The following CHRNA3 variants were observed in gnomAD, a reference collection of about 807,000 sequenced individuals.
CHRNA3 encodes the protein cholinergic receptor nicotinic alpha 3 subunit, also known as neuronal acetylcholine receptor subunit alpha-3.
CHRNA3 carries 34 observed loss-of-function variants against 41.9 expected under a neutral mutation model. That is an observed-to-expected ratio of 0.81 (90% CI 0.62 to 1.08). CHRNA3 has a LOEUF of 1.08. Ranked by LOEUF, CHRNA3 falls within the 50% of genes least tolerant of loss-of-function variation. The probability of loss-of-function intolerance (pLI) is 0.00; values close to 1 mark genes in which losing one functional copy is unlikely to be tolerated. For missense variants in CHRNA3, 542 were observed against 638.3 expected (o/e 0.85, Z 1.63); for synonymous variants, 281 against 265.2 (o/e 1.06, Z -0.58).
Position 78,601,644 on chromosome 15 carries a change from G to A in CHRNA3, c.998C>T (p.Pro333Leu), listed in dbSNP as rs2053200773. Residue 333 changes from proline to leucine, a missense_variant, in exon 5 of 6, where the codon CCG (proline) becomes CTG (leucine). By Grantham distance (98) the Pro-to-Leu change is moderately conservative. Coordinates refer to ENST00000326828, the MANE Select transcript of CHRNA3 (RefSeq NM_000743.5). The stretch of plus-strand genomic sequence containing the variant: ...CCATGAGGGCATTGTGTGTGTCGTC[G>A]GGGTTCTGTAGTGCACGTTGAGCAC... ...VFVLNVHYRT[P>L]TTHTMPSWVK... 5.6e-6 allele frequency: 9 copies of A among 1,614,072 alleles called. No homozygotes were observed. The highest frequency in any genetic ancestry group is 1.1e-5 in the South Asian group (1 of 91,080).
chr15:78,596,767 G>C (rs1468619867), intron 5 of CHRNA3, 35 bp from the exon 6 acceptor site: 1 of 1,583,168 alleles, frequency 6.3e-7, no homozygotes, highest in African/African-American at 1.4e-5. Context: ...AAAAAACATG[G>C]AGGGAAAGGC....
chr15:78,602,629 C>T (rs62010328), intron 4 of CHRNA3, among the ~76,000 whole-genome samples: 40,678 of 152,056 alleles, frequency 0.27, 6,369 homozygotes, highest in Non-Finnish European at 0.36. Context: ...CTGAAGCAGC[C>T]TTTGGGATTA....
downstream of CHRNA3, chr15:78,593,216 T>C (rs1231126574): frequency 5.0e-6 from 8 of 1,612,816 alleles, no homozygotes; most frequent in South Asian, 1.1e-5. Context: ...TGGGCAAATA[T>C]ATTAATACCA....
At chr15:78,604,916 G>T (rs1294647479) in intron 4 of CHRNA3, among the ~76,000 whole-genome samples, 1 of 152,162 alleles carries the variant, frequency 6.6e-6, no homozygotes, top group Non-Finnish European at 1.5e-5. Context: ...GGGAGGCTGA[G>T]GCAGGAGAAT....
Position 78,595,444 on chromosome 15 carries a change from G to A in CHRNA3, c.*1160C>T. The A allele has an allele frequency of 1.9e-5, 19 of 984,370 alleles. No homozygotes were observed. Among genetic ancestry groups the A allele is most frequent in the Non-Finnish European group, 2.3e-5 (19 of 829,024 alleles). 61.0% of individuals were successfully genotyped at this position (984,370 alleles called of 1,614,324 possible). ...TAGTACATGATACTCTTAACAATTTGTCTAAAGCAATGTTTCTCAACCAGG... is the reference window on the plus strand; with the variant it reads ...TAGTACATGATACTCTTAACAATTTATCTAAAGCAATGTTTCTCAACCAGG... On this transcript the variant is annotated 3_prime_UTR_variant, in exon 6 of 6. Transcript: ENST00000326828.
intron 4 of CHRNA3, among the ~76,000 whole-genome samples, chr15:78,608,896 T>A (rs1468360406): frequency 1.3e-5 from 2 of 152,146 alleles, no homozygotes; most frequent in African/African-American, 4.8e-5. Flanking sequence ...AAGGAGCTGA[T>A]GGAGCTGAAA....
At chr15:78,619,140 G>T (rs1169768876) in intron 1 of CHRNA3, 2 of 584,688 alleles carry the variant, frequency 3.4e-6, no homozygotes, top group Non-Finnish European at 3.0e-6. Context: ...GAGAAGCACA[G>T]TGGTTGCAAG....
At chr15:78,619,534 T>G (rs2053517774) in intron 1 of CHRNA3, among the ~76,000 whole-genome samples, 2 of 151,730 alleles carry the variant, frequency 1.3e-5, no homozygotes, top group Admixed American at 1.3e-4. Context: ...ACAGCCCAGG[T>G]CTGGGCCTCT....
rs779173286 is a variant in CHRNA3, at chr15:78,596,771, G to A, written c.1390-39C>T. ...TGATAAAAGAAAAAAAACATGGAGGGAAAGGCAAATGAATACATTTTCAAT... is the reference window on the plus strand; with the variant it reads ...TGATAAAAGAAAAAAAACATGGAGGAAAAGGCAAATGAATACATTTTCAAT... On this transcript the variant is annotated intron_variant, in intron 5 of 5. Coordinates refer to ENST00000326828, the MANE Select transcript of CHRNA3 (RefSeq NM_000743.5). 8.2e-6 allele frequency: 13 copies of A among 1,579,062 alleles called. No homozygotes were observed. In the Admixed American group the frequency reaches 2.5e-4, roughly 30 times the overall value.
chr15:78,595,282 C>CTT, downstream of CHRNA3: 1 of 985,112 alleles, frequency 1.0e-6, no homozygotes, highest in Non-Finnish European at 1.2e-6. Flanking sequence ...TTTCTTTTGA[C>CTT]TTATTGAAAC....
At chr15:78,593,093 T>C (rs1310445815), downstream of CHRNA3, 3 of 1,603,900 alleles carry the variant, frequency 1.9e-6, no homozygotes, top group African/African-American at 2.7e-5. Context: ...TCCTAACAGG[T>C]TGTTGAAGAT....
At chr15:78,616,955 C>T (rs553924615) in intron 4 of CHRNA3, 69 bp downstream of exon 4, 2 of 1,063,386 alleles carry the variant, frequency 1.9e-6, no homozygotes, top group African/African-American at 1.6e-5. Flanking sequence ...AGGTTTTAAG[C>T]ACAGTGGGCC....
chr15:78,610,249 C>T (rs1260732530), intron 4 of CHRNA3, among the ~76,000 whole-genome samples: 1 of 152,212 alleles, frequency 6.6e-6, no homozygotes, highest in African/African-American at 2.4e-5. Context: ...CAGAACTCTC[C>T]ACCCCAAATC....
At chr15:78,608,345 G>A (rs1314975227) in intron 4 of CHRNA3, among the ~76,000 whole-genome samples, 4 of 152,164 alleles carry the variant, frequency 2.6e-5, no homozygotes, top group Admixed American at 6.5e-5. Flanking sequence ...TCACACGGCC[G>A]GGTACTCCTC....
chr15:78,605,653 G>A (rs1452814653), intron 4 of CHRNA3, among the ~76,000 whole-genome samples: 4 of 152,182 alleles, frequency 2.6e-5, no homozygotes, highest in African/African-American at 4.8e-5. Context: ...CAGTGCTGAC[G>A]TGGGCTCTTG....
intron 4 of CHRNA3, among the ~76,000 whole-genome samples, chr15:78,611,159 C>T (rs1408626862): frequency 5.3e-5 from 8 of 152,206 alleles, no homozygotes; most frequent in Admixed American, 5.2e-4. Context: ...GGAGCTGGTA[C>T]CATTCCTTCT....
chr15:78,619,056 T>A, intron 1 of CHRNA3, 141 bp from the exon 2 acceptor site: 1 of 978,896 alleles, frequency 1.0e-6, no homozygotes, highest in Non-Finnish European at 1.5e-6. Context: ...CAGGCCAGTC[T>A]AACCCAGTGG....
At position 78,601,337 on chromosome 15, in the gene CHRNA3, A is replaced by G. The variant is rs200172413; in HGVS notation, c.1305T>C (p.Ser435=). 1.9e-6 allele frequency: 3 copies of G among 1,614,222 alleles called. No individual in the cohort carries two copies. The highest frequency in any genetic ancestry group is 2.5e-6 in the Non-Finnish European group (3 of 1,180,026). Residue 435 remains serine, a synonymous_variant, in exon 5 of 6, where the codon TCT becomes TCC. Coordinates refer to ENST00000326828, the MANE Select transcript of CHRNA3 (RefSeq NM_000743.5). ...SESVDAVLSL[S]ALSPEIKEAI... The stretch of plus-strand genomic sequence containing the variant: ...CTTCTTTGATTTCTGGTGACAAAGC[A>G]GAGAGGGACAGCACAGCATCAACAG...
chr15:78,618,531 T>C, intron 3 of CHRNA3, 86 bp downstream of exon 3: 1 of 1,498,526 alleles, frequency 6.7e-7, no homozygotes, highest in South Asian at 1.1e-5. Context: ...AAATGAAGCC[T>C]GGTCTTTAGG....
Sources: gnomAD v4.1 joint callset for allele counts (sites outside exome capture counted in the v4.1 genomes callset) on GRCh38, gnomAD v4.1.1 for gene constraint, MANE v1.5 for transcripts, NCBI Gene and HGNC (gene_info 2026-07-23, HGNC 2026-07-21) for gene names.